MORC1: variants seen among roughly 807,000 people sequenced by gnomAD.
MORC1 encodes the protein MORC family CW-type zinc finger protein 1.
MORC1 carries 59 observed loss-of-function variants against 134.9 expected under a neutral mutation model. The observed-to-expected ratio is 0.44, with a 90% CI of 0.35 to 0.54. The LOEUF is 0.54. Among genes scored for constraint, MORC1 ranks in the 20% least tolerant of loss-of-function variants. The pLI is 0.00. For missense variants in MORC1, 947 were observed against 1,134.5 expected (o/e 0.83, Z 2.37); for synonymous variants, 395 against 391.7 (o/e 1.01, Z -0.10).
chr3:109,105,864 C>T (rs544892600), intron 3 of MORC1, among the ~76,000 whole-genome samples: 1 of 152,220 alleles, frequency 6.6e-6, no homozygotes, highest in South Asian at 2.1e-4. Context: ...TTTTAGGATC[C>T]GGACTACCAT....
chr3:109,112,657 T>A (rs927736438), intron 2 of MORC1, among the ~76,000 whole-genome samples: 25 of 152,228 alleles, frequency 1.6e-4, no homozygotes, highest in African/African-American at 6.0e-4. Context: ...TGGAGGAATG[T>A]GGCCTTGAGG....
At chr3:108,994,740 T>G (rs1400977679) in intron 21 of MORC1, among the ~76,000 whole-genome samples, 1 of 152,090 alleles carries the variant, frequency 6.6e-6, no homozygotes, top group South Asian at 2.1e-4. Context: ...TTATTGCTAT[T>G]CAACTTCTCC....
At chr3:109,071,241 TAA>T (rs1042378128) in intron 8 of MORC1, among the ~76,000 whole-genome samples, 1 of 152,108 alleles carries the variant, frequency 6.6e-6, no homozygotes, top group Admixed American at 6.6e-5. Flanking sequence ...CATTTGAAGG[TAA>T]AAAAGTCAAA....
intron 1 of MORC1, among the ~76,000 whole-genome samples, chr3:109,115,507 G>C (rs1173810783): frequency 6.6e-6 from 1 of 151,970 alleles, no homozygotes; most frequent in Non-Finnish European, 1.5e-5. Context: ...TCACCCAAAA[G>C]AAAGCCATTA....
chr3:109,058,398 G>A (rs1301172535), intron 12 of MORC1, among the ~76,000 whole-genome samples: 1 of 152,024 alleles, frequency 6.6e-6, no homozygotes, highest in African/African-American at 2.4e-5. Context: ...ACCCAATCAA[G>A]AATGACACCA....
At chr3:109,020,766 A>G (rs1948939653) in intron 17 of MORC1, among the ~76,000 whole-genome samples, 1 of 89,616 alleles carries the variant, frequency 1.1e-5, no homozygotes. Context: ...CTCTGTCTCA[A>G]AAAAAAAAAA....
At chr3:109,103,953 G>A in intron 3 of MORC1, 36 bp from the exon 4 acceptor site, 1 of 1,562,066 alleles carries the variant, frequency 6.4e-7, no homozygotes, top group Non-Finnish European at 8.8e-7. Flanking sequence ...ATAAATATCG[G>A]GCTTAATTTG....
rs1306556996 is a variant in MORC1 at position 109,093,299 on chromosome 3, A to G, written c.689+137T>C. On this transcript the variant is annotated intron_variant, in intron 8 of 27. Transcript: ENST00000232603. ...GTTTGGAAACCACTGACCTAGCCCA[A>G]CTTTACTAGTAACTAGGGTAAGATG... 3 of 626,264 alleles carry G rather than the reference A, an allele frequency of 4.8e-6. No individual in the cohort carries two copies. The East Asian group carries it at 8.3e-5, about 17-fold the overall frequency. 38.8% of individuals were successfully genotyped at this position (626,264 alleles called of 1,614,324 possible).
intron 2 of MORC1, among the ~76,000 whole-genome samples, chr3:109,111,145 T>C (rs1239307481): frequency 7.3e-6 from 1 of 136,898 alleles, no homozygotes; most frequent in Non-Finnish European, 1.6e-5. Context: ...AAAAGAAAAA[T>C]CAAATTACTA....
intron 8 of MORC1, among the ~76,000 whole-genome samples, chr3:109,083,077 G>A (rs1950551775): frequency 6.6e-6 from 1 of 152,020 alleles, no homozygotes; most frequent in Non-Finnish European, 1.5e-5. Flanking sequence ...AATTCGTCTA[G>A]CAATATACTT....
intron 16 of MORC1, among the ~76,000 whole-genome samples, chr3:109,030,430 C>T (rs1176176121): frequency 1.3e-5 from 2 of 152,186 alleles, no homozygotes; most frequent in Non-Finnish European, 2.9e-5. Context: ...ATATCTACAT[C>T]ACTGTTAAGG....
At chr3:109,098,862 A>G (rs901637465) in intron 6 of MORC1, among the ~76,000 whole-genome samples, 7 of 152,146 alleles carry the variant, frequency 4.6e-5, no homozygotes, top group African/African-American at 1.7e-4. Context: ...GTTATATTGA[A>G]TTATAACTGA....
At chr3:109,022,549 C>A (rs1414946082) in intron 17 of MORC1, among the ~76,000 whole-genome samples, 1 of 152,174 alleles carries the variant, frequency 6.6e-6, no homozygotes, top group East Asian at 1.9e-4. Context: ...CTTATAAATG[C>A]TATATATTTG....
chr3:109,048,215 G>T (rs897674983), intron 14 of MORC1, among the ~76,000 whole-genome samples: 8 of 152,120 alleles, frequency 5.3e-5, no homozygotes, highest in African/African-American at 1.7e-4. Context: ...CAGCGATAGA[G>T]AAAGAACCTT....
intron 26 of MORC1, among the ~76,000 whole-genome samples, chr3:108,969,319 G>A (rs536952747): frequency 5.9e-5 from 9 of 152,176 alleles, no homozygotes; most frequent in Admixed American, 2.0e-4. Flanking sequence ...AACTCAGAGC[G>A]ATATCAAATT....
At chr3:108,996,215 C>G (rs868616130) in intron 21 of MORC1, among the ~76,000 whole-genome samples, 2 of 151,948 alleles carry the variant, frequency 1.3e-5, no homozygotes, top group Non-Finnish European at 2.9e-5. Context: ...CATGGCCACA[C>G]AGAAAGAGAA....
intron 24 of MORC1, 40 bp from the exon 25 acceptor site, chr3:108,971,442 A>ATAAC (rs1280203517): frequency 6.4e-7 from 1 of 1,552,830 alleles, no homozygotes; most frequent in Non-Finnish European, 8.9e-7. Flanking sequence ...ATATACTAGG[A>ATAAC]TAACAGAGGT....
chr3:109,075,797 T>C (rs1370314200), intron 8 of MORC1, among the ~76,000 whole-genome samples: 1 of 114,578 alleles, frequency 8.7e-6, no homozygotes, highest in African/African-American at 3.1e-5. Flanking sequence ...TTTGGTTCCA[T>C]ATGGAATTTA....
rs28778906 is a variant in MORC1 at position 109,040,515 on chromosome 3, A to G, written c.1331-5047T>C. 6.0e-5 allele frequency among the ~76,000 whole-genome samples: 9 copies of G among 151,154 alleles called. No individual in the cohort carries two copies. The South Asian group carries it at 8.5e-4, about 14-fold the overall frequency. ...AAAGAAAAGAAAGGAAGGAAGGAAGAAAGAAACAAAGAAATAAAGAAAGAA... is the reference window on the plus strand; with the variant it reads ...AAAGAAAAGAAAGGAAGGAAGGAAGGAAGAAACAAAGAAATAAAGAAAGAA... On this transcript the variant is annotated intron_variant, in intron 14 of 27. Transcript: ENST00000232603.
Sources: allele counts gnomAD v4.1 joint callset (sites outside exome capture counted in the v4.1 genomes callset), GRCh38; gene constraint gnomAD v4.1.1; transcripts MANE v1.5; gene names NCBI Gene and HGNC (gene_info 2026-07-23, HGNC 2026-07-21).